FAM171A1: variants seen among roughly 807,000 people sequenced by gnomAD.
The protein encoded by FAM171A1 is family with sequence similarity 171 member A1.
A neutral mutation model predicts 74.9 loss-of-function variants in FAM171A1; 23 were observed. The observed-to-expected ratio is 0.31, with a 90% CI of 0.22 to 0.44. The LOEUF (loss-of-function observed/expected upper bound fraction) is 0.44. Among genes scored for constraint, FAM171A1 ranks in the 20% least tolerant of loss-of-function variants. The pLI is 1.00. For synonymous variants in FAM171A1, 527 were observed against 505.7 expected, an observed-to-expected ratio of 1.04 and a Z score of -0.57; for missense variants, 1,162 against 1,159.2, an observed-to-expected ratio of 1.00 and a Z score of -0.03.
chr10:15,276,878 G>A (rs1267726653), intron 2 of FAM171A1, among the ~76,000 whole-genome samples: 2 of 152,038 alleles, frequency 1.3e-5, no homozygotes, highest in East Asian at 3.9e-4. Context: ...TAGAGACAGG[G>A]TCTCCATATG....
intron 5 of FAM171A1, among the ~76,000 whole-genome samples, chr10:15,229,052 G>C (rs79551340): frequency 9.6e-4 from 146 of 152,332 alleles, no homozygotes; most frequent in Admixed American, 1.8e-3. Flanking sequence ...GCTGGGACTC[G>C]GAAAGAAATG....
intron 3 of FAM171A1, among the ~76,000 whole-genome samples, chr10:15,270,281 T>C (rs1672681352): frequency 6.6e-6 from 1 of 152,186 alleles, no homozygotes; most frequent in South Asian, 2.1e-4. Flanking sequence ...CGCTCACTGC[T>C]AGCACAGCAG....
Position 15,371,236 on chromosome 10 carries a change from G to A in FAM171A1, c.-184C>T, listed in dbSNP as rs1261874486. Among the ~76,000 whole-genome samples the A allele has an allele frequency of 7.6e-6, 1 of 130,808 alleles. No individual in the cohort carries two copies. The highest frequency in any genetic ancestry group is 2.6e-5 in the African/African-American group (1 of 38,060). The allele number at this position is 130,808 out of a possible 152,430, so 85.8% of individuals were successfully genotyped here. On this transcript the variant is annotated 5_prime_UTR_variant, in exon 1 of 8. Coordinates refer to ENST00000378116, the MANE Select transcript of FAM171A1 (RefSeq NM_001010924.2). ...CCCGCGCCCCGCGCCGGGTTTCCCCGAAGAGCCGCGGCGGCGGCGGCGGCG... is the reference window on the plus strand; with the variant it reads ...CCCGCGCCCCGCGCCGGGTTTCCCCAAAGAGCCGCGGCGGCGGCGGCGGCG...
intron 3 of FAM171A1, among the ~76,000 whole-genome samples, chr10:15,263,737 G>GTCTATCTATCTA (rs1281895674): frequency 9.4e-6 from 1 of 106,010 alleles, no homozygotes; most frequent in African/African-American, 3.3e-5. Flanking sequence ...CTATCTATCT[G>GTCTATCTATCTA]TCTGTCTATC....
intron 1 of FAM171A1, among the ~76,000 whole-genome samples, chr10:15,306,562 C>T (rs1835298224): frequency 2.0e-5 from 3 of 152,074 alleles, no homozygotes; most frequent in African/African-American, 7.2e-5. Context: ...GACGGGGTTT[C>T]ACCATGTTGG....
At chr10:15,303,715 C>A (rs1039012086) in intron 1 of FAM171A1, among the ~76,000 whole-genome samples, 14 of 152,202 alleles carry the variant, frequency 9.2e-5, no homozygotes, top group African/African-American at 3.4e-4. Flanking sequence ...CATTGGTGTT[C>A]CTAAATGTCA....
At chr10:15,308,427 C>A (rs865908572) in intron 1 of FAM171A1, among the ~76,000 whole-genome samples, 1 of 152,072 alleles carries the variant, frequency 6.6e-6, no homozygotes, top group South Asian at 2.1e-4. Context: ...TTAAAGATAC[C>A]GAACAGCTCG....
intron 3 of FAM171A1, among the ~76,000 whole-genome samples, chr10:15,267,962 G>A (rs1834769153): frequency 6.6e-6 from 1 of 152,196 alleles, no homozygotes; most frequent in African/African-American, 2.4e-5. Flanking sequence ...AGGGAAAGGT[G>A]GGGACAGTGG....
chr10:15,312,479 C>A (rs1228203569), intron 1 of FAM171A1, among the ~76,000 whole-genome samples: 1 of 151,358 alleles, frequency 6.6e-6, no homozygotes, highest in Non-Finnish European at 1.5e-5. Flanking sequence ...TGGGGCAACA[C>A]TGGGGGTATG....
chr10:15,335,504 C>G (rs1251467893), intron 1 of FAM171A1, among the ~76,000 whole-genome samples: 1 of 152,136 alleles, frequency 6.6e-6, no homozygotes, highest in Non-Finnish European at 1.5e-5. Context: ...ACTGCCTTAT[C>G]AGGATTTTCA....
intron 1 of FAM171A1, among the ~76,000 whole-genome samples, chr10:15,289,402 A>T (rs1835077424): frequency 1.3e-5 from 2 of 152,192 alleles, no homozygotes; most frequent in South Asian, 4.1e-4. Context: ...CACAAAACCC[A>T]GACTGGGACA....
intron 1 of FAM171A1, among the ~76,000 whole-genome samples, chr10:15,325,251 T>G (rs2131852109): frequency 6.6e-6 from 1 of 152,314 alleles, no homozygotes; most frequent in South Asian, 2.1e-4. Flanking sequence ...ATTCCAGCAC[T>G]TTGGCAGGCC....
rs1327207925 is a variant in FAM171A1 at position 15,211,884 on chromosome 10, A to G, written c.*1031T>C. The G allele has an allele frequency of 6.6e-6, 1 of 152,528 alleles. No homozygotes were observed. The highest frequency in any genetic ancestry group is 6.6e-5 in the Admixed American group (1 of 15,262). 9.4% of individuals were successfully genotyped at this position (152,528 alleles called of 1,614,324 possible). A position where few individuals can be genotyped will look rare whatever the true frequency, so the allele number is the denominator to read the frequency against. The stretch of plus-strand genomic sequence containing the variant: ...TTAATACGTAACCGTATATACAAAC[A>G]GCCAAAAAACCATAATGGTGCCACA... On this transcript the variant is annotated 3_prime_UTR_variant, in exon 8 of 8. Transcript: ENST00000378116.
chr10:15,344,712 T>C (rs1016478883), intron 1 of FAM171A1, among the ~76,000 whole-genome samples: 2 of 152,230 alleles, frequency 1.3e-5, no homozygotes, highest in African/African-American at 4.8e-5. Flanking sequence ...CTGGCAACCC[T>C]AGGGATAACA....
intron 6 of FAM171A1, among the ~76,000 whole-genome samples, chr10:15,219,730 T>C (rs1429753384): frequency 3.3e-5 from 5 of 152,144 alleles, no homozygotes; most frequent in African/African-American, 7.2e-5. Flanking sequence ...TACAGGCGTG[T>C]GCCACCACGC....
intron 1 of FAM171A1, among the ~76,000 whole-genome samples, chr10:15,289,394 C>T (rs757432575): frequency 6.6e-6 from 1 of 152,166 alleles, no homozygotes; most frequent in African/African-American, 2.4e-5. Flanking sequence ...GAAGACTGCA[C>T]AAAACCCAGA....
chr10:15,247,138 T>C (rs911331664), intron 5 of FAM171A1, among the ~76,000 whole-genome samples: 2 of 152,198 alleles, frequency 1.3e-5, no homozygotes, highest in African/African-American at 4.8e-5. Context: ...TTGCAGGGGA[T>C]TGATGAACCA....
chr10:15,323,744 A>C (rs552921954), intron 1 of FAM171A1, among the ~76,000 whole-genome samples: 1 of 152,148 alleles, frequency 6.6e-6, no homozygotes, highest in African/African-American at 2.4e-5. Context: ...TATACCCTCT[A>C]TGTTAGGATT....
chr10:15,360,127 C>T, intron 1 of FAM171A1, among the ~76,000 whole-genome samples: 1 of 152,210 alleles, frequency 6.6e-6, no homozygotes, highest in Middle Eastern at 3.4e-3. Context: ...GAGATGAAGT[C>T]CTGCTATGTT....
Sources: allele counts gnomAD v4.1 joint callset (sites outside exome capture counted in the v4.1 genomes callset), GRCh38; gene constraint gnomAD v4.1.1; transcripts MANE v1.5; gene names NCBI Gene and HGNC (gene_info 2026-07-23, HGNC 2026-07-21).